The following GREB1L variants were observed in gnomAD, a reference collection of about 807,000 sequenced individuals.
GREB1L encodes the protein GREB1 like retinoic acid receptor coactivator, also known as GREB1-like protein.
GREB1L carries 17 observed loss-of-function variants against 200.8 expected under a neutral mutation model. The observed-to-expected ratio is 0.08, with a 90% CI of 0.06 to 0.13. The LOEUF (loss-of-function observed/expected upper bound fraction) is 0.13. Ranked by LOEUF, GREB1L falls within the 10% of genes least tolerant of loss-of-function variation. The pLI, the probability that GREB1L is intolerant of heterozygous loss-of-function variation, is 1.00. For synonymous variants in GREB1L, 789 were observed against 893.0 expected (o/e 0.88, Z 2.08); for missense variants, 1,657 against 2,367.7 (o/e 0.70, Z 6.23).
Position 21,384,230 on chromosome 18 carries a change from T to C in GREB1L, c.182T>C (p.Leu61Pro). The C allele has an allele frequency of 4.5e-6, 7 of 1,551,072 alleles. No homozygotes were observed. The highest frequency in any genetic ancestry group is 6.1e-6 in the Non-Finnish European group (7 of 1,146,498). Residue 61 changes from leucine (L) to proline (P), a missense_variant, in exon 4 of 33, where the codon CTG becomes CCG. By Grantham distance (98) the Leu-to-Pro change is moderately conservative. This residue lies in a region of GREB1L where 121 missense variants were observed against 126.6 expected (regional missense o/e 0.96). Transcript: ENST00000424526. ...GATGTCAAACCCAAGGTGGAGGATCTGGACAAAGATTTGGTAAACCGCTAC... is the reference window on the plus strand; with the variant it reads ...GATGTCAAACCCAAGGTGGAGGATCCGGACAAAGATTTGGTAAACCGCTAC... ...SADVKPKVEDLDKDLVNRYTQ... is the reference protein window; with the variant it reads ...SADVKPKVEDPDKDLVNRYTQ...
At chr18:21,456,521 T>C (rs1280055932) in intron 15 of GREB1L, among the ~76,000 whole-genome samples, 1 of 152,162 alleles carries the variant, frequency 6.6e-6, no homozygotes, top group Admixed American at 6.5e-5. Flanking sequence ...AGAGGCCAAA[T>C]GAGCTGACTG....
intron 7 of GREB1L, 79 bp from the exon 8 acceptor site, chr18:21,439,442 A>G (rs978326826): frequency 7.3e-6 from 6 of 824,762 alleles, no homozygotes; most frequent in African/African-American, 3.4e-5. Flanking sequence ...TGTGAGGTCT[A>G]TCAGATGGTT....
chr18:21,516,598 G>C lies in GREB1L; in HGVS notation c.5130-15G>C, dbSNP rs549101742. ...ATGCCAGCGGAAGAAAACTATTGTT[G>C]TGGTTACAATTTAGGTATTTCTGTG... On this transcript the variant is annotated splice_polypyrimidine_tract_variant and intron_variant, in intron 29 of 32. Coordinates refer to ENST00000424526, the MANE Select transcript of GREB1L (RefSeq NM_001142966.3). 8.4e-6 allele frequency: 13 copies of C among 1,550,550 alleles called. No individual in the cohort carries two copies. The Admixed American group carries it at 2.4e-4, about 28-fold the overall frequency.
intron 1 of GREB1L, among the ~76,000 whole-genome samples, chr18:21,293,640 A>G (rs1598636055): frequency 6.6e-6 from 1 of 152,326 alleles, no homozygotes; most frequent in African/African-American, 2.4e-5. Context: ...TATTCAGCCA[A>G]AACAGTATGT....
Position 21,381,415 on chromosome 18 carries a change from GAAAAA to G in GREB1L, c.-9-2085_-9-2081del, listed in dbSNP as rs923221809. The stretch of plus-strand genomic sequence containing the variant: ...AGAGTGAGACTGCATCTCAAAAAAA[GAAAAA>G]AAAAAAAAAGATTATTGAGGACCCC... On this transcript the variant is annotated intron_variant, in intron 2 of 32. Coordinates refer to ENST00000424526, the MANE Select transcript of GREB1L (RefSeq NM_001142966.3). 7.3e-5 allele frequency among the ~76,000 whole-genome samples: 7 copies of G among 95,292 alleles called. No individual in the cohort carries two copies. In the East Asian group the frequency reaches 2.2e-3, roughly 30 times the overall value. 62.5% of individuals were successfully genotyped at this position (95,292 alleles called of 152,430 possible).
intron 27 of GREB1L, among the ~76,000 whole-genome samples, chr18:21,512,607 A>G (rs1405231248): frequency 6.6e-6 from 1 of 152,112 alleles, no homozygotes; most frequent in Non-Finnish European, 1.5e-5. Context: ...CTGAGAACAG[A>G]GATAATTTTA....
intron 15 of GREB1L, among the ~76,000 whole-genome samples, chr18:21,459,796 C>A (rs759755932): frequency 6.6e-6 from 1 of 152,048 alleles, no homozygotes; most frequent in Non-Finnish European, 1.5e-5. Context: ...GGAACAGGTG[C>A]CCAGGAAGAA....
chr18:21,393,539 G>A (rs749293623), intron 4 of GREB1L, among the ~76,000 whole-genome samples: 2 of 152,224 alleles, frequency 1.3e-5, no homozygotes, highest in East Asian at 1.9e-4. Flanking sequence ...GCAGTGGCGC[G>A]ATCTGGGCTC....
intron 2 of GREB1L, among the ~76,000 whole-genome samples, chr18:21,369,948 CAA>C (rs201252099): frequency 1.0e-4 from 9 of 87,862 alleles, no homozygotes; most frequent in Non-Finnish European, 1.2e-4. Context: ...GACTCCATCT[CAA>C]AAAAAAAAAA....
intron 7 of GREB1L, among the ~76,000 whole-genome samples, chr18:21,417,994 A>AG (rs2031806580): frequency 6.6e-6 from 1 of 151,476 alleles, no homozygotes; most frequent in African/African-American, 2.4e-5. Flanking sequence ...AAAAAAAAAA[A>AG]GAAAAGAAAA....
chr18:21,362,533 TC>T (rs1255428908), intron 1 of GREB1L, among the ~76,000 whole-genome samples: 1 of 152,206 alleles, frequency 6.6e-6, no homozygotes, highest in Non-Finnish European at 1.5e-5. Flanking sequence ...TTGGCTCTTT[TC>T]TTTAGATGTA....
At chr18:21,358,687 G>A (rs2039541073) in intron 1 of GREB1L, among the ~76,000 whole-genome samples, 1 of 152,206 alleles carries the variant, frequency 6.6e-6, no homozygotes, top group African/African-American at 2.4e-5. Context: ...GACTTTGGGG[G>A]AAAGGTTGGG....
chr18:21,253,250 T>C (rs902783456), intron 1 of GREB1L, among the ~76,000 whole-genome samples: 33 of 103,508 alleles, frequency 3.2e-4, no homozygotes, highest in Middle Eastern at 4.5e-3. Flanking sequence ...ATTTCAAGAA[T>C]TTTTTTTTTT....
chr18:21,344,654 C>T (rs577787965), intron 1 of GREB1L, among the ~76,000 whole-genome samples: 1 of 152,194 alleles, frequency 6.6e-6, no homozygotes, highest in South Asian at 2.1e-4. Context: ...AAAACACAAA[C>T]TGTGACTCTA....
At chr18:21,276,200 C>T (rs989096483) in intron 1 of GREB1L, among the ~76,000 whole-genome samples, 5 of 152,318 alleles carry the variant, frequency 3.3e-5, no homozygotes, top group Middle Eastern at 3.4e-3. Context: ...AGTCTTTCTA[C>T]CCTGATGACC....
chr18:21,324,228 TG>T (rs1452304122), intron 1 of GREB1L, among the ~76,000 whole-genome samples: 4 of 152,230 alleles, frequency 2.6e-5, no homozygotes, highest in African/African-American at 9.7e-5. Context: ...AGCACATAGA[TG>T]GCCAATTCAC....
intron 1 of GREB1L, among the ~76,000 whole-genome samples, chr18:21,352,977 T>G (rs1361521563): frequency 1.3e-5 from 2 of 151,842 alleles, no homozygotes; most frequent in African/African-American, 4.8e-5. Flanking sequence ...GTCAGGAGAT[T>G]GAGACCATCC....
chr18:21,444,471 TTTTC>T (rs2034095472), intron 11 of GREB1L, 62 bp downstream of exon 11: 1 of 1,314,654 alleles, frequency 7.6e-7, no homozygotes, highest in African/African-American at 1.5e-5. Context: ...GTGATGTACT[TTTTC>T]TTTCTTTCTC....
intron 7 of GREB1L, among the ~76,000 whole-genome samples, chr18:21,422,031 T>G (rs2032197639): frequency 6.6e-6 from 1 of 152,200 alleles, no homozygotes. Context: ...ACTACCACAA[T>G]GTAGAGAGCA....
Sources: allele counts gnomAD v4.1 joint callset (sites outside exome capture counted in the v4.1 genomes callset), GRCh38; gene constraint gnomAD v4.1.1; regional missense constraint gnomAD v4.1.1; transcripts MANE v1.5; gene names NCBI Gene and HGNC (gene_info 2026-07-23, HGNC 2026-07-21).